SNX29: variants seen among roughly 807,000 people sequenced by gnomAD.
SNX29 encodes sorting nexin-29.
Under a neutral mutation model 102.1 loss-of-function variants are expected in SNX29, and 78 were observed. The ratio of observed to expected loss-of-function variants is 0.76; its 90% CI spans 0.64 to 0.92. The LOEUF (loss-of-function observed/expected upper bound fraction) is 0.92, where lower values mean the gene tolerates loss of function less well. Among genes scored for constraint, SNX29 ranks in the 40% least tolerant of loss-of-function variants. The probability of loss-of-function intolerance (pLI) is 0.00; values close to 1 mark genes in which losing one functional copy is unlikely to be tolerated. For synonymous variants in SNX29, 580 were observed against 414.5 expected (o/e 1.40, Z -4.85); for missense variants, 1,280 against 1,061.7 (o/e 1.21, Z -2.86).
chr16:12,198,440 T>A (rs2076832689), intron 13 of SNX29, among the ~76,000 whole-genome samples: 1 of 152,046 alleles, frequency 6.6e-6, no homozygotes, highest in African/African-American at 2.4e-5. Flanking sequence ...TCTGATGGAG[T>A]ATTTTGCAAT....
chr16:12,007,208 A>G (rs1361011507), intron 3 of SNX29, among the ~76,000 whole-genome samples: 1 of 152,236 alleles, frequency 6.6e-6, no homozygotes, highest in Non-Finnish European at 1.5e-5. Context: ...CTATTCTGTG[A>G]GAAAGTTGAA....
At chr16:12,454,220 C>A (rs897548126) in intron 18 of SNX29, among the ~76,000 whole-genome samples, 33 of 152,224 alleles carry the variant, frequency 2.2e-4, no homozygotes, top group African/African-American at 7.9e-4. Flanking sequence ...CCGCCTTGGG[C>A]CATGTGGTAA....
At chr16:12,059,395 G>C (rs747210513) in intron 8 of SNX29, among the ~76,000 whole-genome samples, 1 of 152,234 alleles carries the variant, frequency 6.6e-6, no homozygotes, top group Non-Finnish European at 1.5e-5. Flanking sequence ...AAGGTCATCT[G>C]GTTCTCCCCC....
Position 12,559,210 on chromosome 16 carries a change from C to T in SNX29, c.2319-9296C>T, listed in dbSNP as rs148123323. Among the ~76,000 whole-genome samples, 637 of 152,166 alleles carry T rather than the reference C, an allele frequency of 4.2e-3. 2 individuals carry two copies. The highest frequency in any genetic ancestry group is 0.013 in the African/African-American group (555 of 41,484). The stretch of plus-strand genomic sequence containing the variant: ...GCTACACAGTGGGTGAGCAGCGCTT[C>T]GTCTGTATTTACAGCCACTCCCCAT... On this transcript the variant is annotated intron_variant, in intron 20 of 20. Coordinates refer to ENST00000566228, the MANE Select transcript of SNX29 (RefSeq NM_032167.5).
rs1596564257 is a variant in SNX29, at chr16:12,003,056, C to T, written c.122+13C>T. On this transcript the variant is annotated intron_variant, in intron 3 of 20. Transcript: ENST00000566228. ...ATTCCGACAGCAGGTAAATATGTCA[C>T]TTCTAAAACCGTTGACCATCGAGGT... is the stretch of plus-strand genomic sequence containing the variant. 6.2e-7 allele frequency: 1 copy of T among 1,614,114 alleles called. No homozygotes were observed. Among genetic ancestry groups the T allele is most frequent in the Non-Finnish European group, 8.5e-7 (1 of 1,180,004 alleles).
At chr16:12,536,720 G>C (rs539371082) in intron 20 of SNX29, among the ~76,000 whole-genome samples, 2 of 152,218 alleles carry the variant, frequency 1.3e-5, no homozygotes, top group African/African-American at 2.4e-5. Context: ...GCTCACGCCT[G>C]TAATCTCAAC....
intron 4 of SNX29, among the ~76,000 whole-genome samples, chr16:12,042,444 C>T (rs1040523706): frequency 2.6e-5 from 4 of 152,190 alleles, no homozygotes; most frequent in East Asian, 3.8e-4. Flanking sequence ...GAACATAGTA[C>T]CTGGTAGGTA....
At chr16:12,458,463 T>C (rs2086630105) in intron 18 of SNX29, among the ~76,000 whole-genome samples, 1 of 152,104 alleles carries the variant, frequency 6.6e-6, no homozygotes, top group South Asian at 2.1e-4. Flanking sequence ...GCCTGAGAAG[T>C]TGCAGCTCTT....
intron 16 of SNX29, among the ~76,000 whole-genome samples, chr16:12,393,183 G>A (rs1234383862): frequency 1.3e-5 from 2 of 152,150 alleles, no homozygotes; most frequent in East Asian, 3.9e-4. Context: ...GCCTCCATAG[G>A]ATCTTCCTTG....
At chr16:12,053,976 T>C (rs1462740693) in intron 8 of SNX29, among the ~76,000 whole-genome samples, 1 of 151,836 alleles carries the variant, frequency 6.6e-6, no homozygotes, top group African/African-American at 2.4e-5. Flanking sequence ...AGTTTTTGTT[T>C]TTTTTTTTTG....
At chr16:11,979,268 C>A (rs2150956785) in intron 1 of SNX29, among the ~76,000 whole-genome samples, 1 of 74,110 alleles carries the variant, frequency 1.3e-5, no homozygotes, top group African/African-American at 6.5e-5. Context: ...GAGTGAGACT[C>A]AGTCTCCAAA....
chr16:12,492,304 G>GT (rs2088591251), intron 19 of SNX29, among the ~76,000 whole-genome samples: 1 of 152,294 alleles, frequency 6.6e-6, no homozygotes, highest in Admixed American at 6.5e-5. Flanking sequence ...TTTTTCATGT[G>GT]TTTTTTGGCT....
At chr16:12,502,250 G>C (rs939158843) in intron 19 of SNX29, among the ~76,000 whole-genome samples, 22 of 152,194 alleles carry the variant, frequency 1.4e-4, no homozygotes, top group African/African-American at 4.1e-4. Context: ...ATGGGTTCTG[G>C]GGTCAGAGTA....
intron 18 of SNX29, among the ~76,000 whole-genome samples, chr16:12,430,511 G>C (rs920735051): frequency 3.3e-5 from 5 of 152,204 alleles, no homozygotes; most frequent in Non-Finnish European, 7.3e-5. Context: ...GAGATCTATA[G>C]CCTTGGGCAA....
chr16:12,506,329 G>C (rs2089377582), intron 19 of SNX29, among the ~76,000 whole-genome samples: 1 of 152,198 alleles, frequency 6.6e-6, no homozygotes, highest in Non-Finnish European at 1.5e-5. Context: ...AGCTGGGCTT[G>C]AATCCTGCGC....
In SNX29 at chr16:12,571,825, C is replaced by G; in HGVS notation, c.*3196C>G. On this transcript the variant is annotated 3_prime_UTR_variant, in exon 21 of 21. Transcript: ENST00000566228. ...GTGTGAAATTCCAGCTTCTTTGATTCCCACTTAGCAGTATGCTCCAATCAC... is the reference window on the plus strand; with the variant it reads ...GTGTGAAATTCCAGCTTCTTTGATTGCCACTTAGCAGTATGCTCCAATCAC... The G allele has an allele frequency of 1.9e-6, 2 of 1,041,416 alleles. No individual in the cohort carries two copies. Among genetic ancestry groups the G allele is most frequent in the Non-Finnish European group, 2.3e-6 (2 of 858,676 alleles). 64.5% of individuals were successfully genotyped at this position (1,041,416 alleles called of 1,614,324 possible).
At chr16:12,357,425 C>G (rs1340111885) in intron 16 of SNX29, among the ~76,000 whole-genome samples, 1 of 152,182 alleles carries the variant, frequency 6.6e-6, no homozygotes, top group Non-Finnish European at 1.5e-5. Context: ...TTCCAATTGC[C>G]TCATACCTTT....
At position 12,064,128 on chromosome 16, in the gene SNX29, G is replaced by T. The variant is rs138333611; in HGVS notation, c.1243+2482G>T. Among the ~76,000 whole-genome samples, 48 of 152,266 alleles carry T rather than the reference G, an allele frequency of 3.2e-4. 1 individual carries two copies. The highest frequency in any genetic ancestry group is 1.1e-3 in the African/African-American group (46 of 41,540). ...TGGGTTCTTGAATTATTGTGGAACC[G>T]TGAGGTGCTTGCAGTAGGTGGTCTG... On this transcript the variant is annotated intron_variant, in intron 9 of 20. Coordinates refer to ENST00000566228, the MANE Select transcript of SNX29 (RefSeq NM_032167.5).
chr16:12,357,332 C>T (rs1251503219), intron 16 of SNX29, among the ~76,000 whole-genome samples: 1 of 151,932 alleles, frequency 6.6e-6, no homozygotes, highest in Non-Finnish European at 1.5e-5. Flanking sequence ...GTATTTATCT[C>T]TAAAAATACA....
Sources: gnomAD v4.1 joint callset for allele counts (sites outside exome capture counted in the v4.1 genomes callset) on GRCh38, gnomAD v4.1.1 for gene constraint, MANE v1.5 for transcripts, NCBI Gene and HGNC (gene_info 2026-07-23, HGNC 2026-07-21) for gene names.